Variants in WDFY1 observed in about 807,000 individuals in gnomAD.
WDFY1 encodes the protein WD repeat and FYVE domain containing 1.
A neutral mutation model predicts 56.4 loss-of-function variants in WDFY1; 32 were observed. That is an observed-to-expected ratio of 0.57 (90% CI 0.43 to 0.76). The LOEUF is 0.76. Among genes scored for constraint, WDFY1 ranks in the 30% least tolerant of loss-of-function variants. The probability of loss-of-function intolerance (pLI) is 0.00; values close to 1 mark genes in which losing one functional copy is unlikely to be tolerated. For synonymous variants in WDFY1, 192 were observed against 197.3 expected, an observed-to-expected ratio of 0.97 and a Z score of 0.23; for missense variants, 480 against 545.7, an observed-to-expected ratio of 0.88 and a Z score of 1.20.
intron 1 of WDFY1, among the ~76,000 whole-genome samples, chr2:223,937,267 G>A (rs570314795): frequency 4.6e-5 from 7 of 152,140 alleles, no homozygotes; most frequent in South Asian, 4.1e-4. Flanking sequence ...ACTTATTCAC[G>A]TGCACACACA....
intron 3 of WDFY1, among the ~76,000 whole-genome samples, chr2:223,909,461 G>A (rs1014009499): frequency 4.6e-5 from 7 of 151,992 alleles, no homozygotes; most frequent in Non-Finnish European, 1.0e-4. Flanking sequence ...TCATTCTTGT[G>A]GCTTGAAAAA....
intron 1 of WDFY1, among the ~76,000 whole-genome samples, chr2:223,920,891 T>G (rs969770104): frequency 6.6e-6 from 1 of 152,166 alleles, no homozygotes; most frequent in African/African-American, 2.4e-5. Flanking sequence ...AAGCATCACA[T>G]CGCTTTGTTT....
chr2:223,933,619 G>A (rs1694117960), intron 1 of WDFY1, among the ~76,000 whole-genome samples: 1 of 151,870 alleles, frequency 6.6e-6, no homozygotes, highest in South Asian at 2.1e-4. Flanking sequence ...CTAGGGGCTT[G>A]AGACCAGCCT....
chr2:223,926,625 GTA>G (rs1160466715), intron 1 of WDFY1, among the ~76,000 whole-genome samples: 2 of 150,704 alleles, frequency 1.3e-5, no homozygotes, highest in Non-Finnish European at 2.9e-5. Flanking sequence ...ATATGTGTGT[GTA>G]TTTCATATAT....
intron 8 of WDFY1, among the ~76,000 whole-genome samples, chr2:223,892,207 C>G (rs188845248): frequency 3.3e-5 from 5 of 152,188 alleles, no homozygotes; most frequent in Non-Finnish European, 7.4e-5. Flanking sequence ...AACTCCTGAC[C>G]TCAGGTGATC....
chr2:223,879,804 G>A lies in WDFY1; in HGVS notation c.1173+320C>T, dbSNP rs191241155. Reference sequence around the variant, plus strand: ...AGGATGAAAAGGAACATTGGCAAGCGTAGGAATGTCTTGAGATGGGTCAGG... The same window carrying A: ...AGGATGAAAAGGAACATTGGCAAGCATAGGAATGTCTTGAGATGGGTCAGG... On this transcript the variant is annotated intron_variant, in intron 11 of 11. Coordinates refer to ENST00000233055, the MANE Select transcript of WDFY1 (RefSeq NM_020830.5). Among the ~76,000 whole-genome samples, 220 of 152,308 alleles carry A rather than the reference G, an allele frequency of 1.4e-3. 2 individuals carry two copies. The highest frequency in any genetic ancestry group is 6.8e-3 in the Middle Eastern group (2 of 294).
chr2:223,921,766 C>T (rs1256523846), intron 1 of WDFY1, among the ~76,000 whole-genome samples: 1 of 152,052 alleles, frequency 6.6e-6, no homozygotes, highest in Non-Finnish European at 1.5e-5. Context: ...GTTGCTCATT[C>T]CTTTGGGTGT....
rs1402291015 is a variant in WDFY1 at position 223,912,237 on chromosome 2, T to C, written c.279+16A>G. 6.3e-7 allele frequency: 1 copy of C among 1,599,792 alleles called. No individual in the cohort carries two copies. Among genetic ancestry groups the C allele is most frequent in the East Asian group, 2.2e-5 (1 of 44,628 alleles). ...AATATAAAGAATACAATAAATACAT[T>C]CTAAAAGCTACCTACCATTACAGCT... On this transcript the variant is annotated intron_variant, in intron 3 of 11. Coordinates refer to ENST00000233055, the MANE Select transcript of WDFY1 (RefSeq NM_020830.5).
intron 2 of WDFY1, among the ~76,000 whole-genome samples, chr2:223,917,093 C>T (rs1267452126): frequency 6.6e-6 from 1 of 152,014 alleles, no homozygotes; most frequent in East Asian, 1.9e-4. Flanking sequence ...GGATTACGGG[C>T]ATGAGCCACC....
chr2:223,910,025 C>G lies in WDFY1; in HGVS notation c.279+2228G>C, dbSNP rs630143. ...CCCGGCCTCTGCCCAATTCTCCAAT[C>G]GCCCTAGGGTGCCCTCCCTATATAG... On this transcript the variant is annotated intron_variant, in intron 3 of 11. Coordinates refer to ENST00000233055, the MANE Select transcript of WDFY1 (RefSeq NM_020830.5). 3.9e-5 allele frequency among the ~76,000 whole-genome samples: 6 copies of G among 152,252 alleles called. No individual in the cohort carries two copies. The East Asian group carries it at 1.2e-3, about 29-fold the overall frequency.
At chr2:223,880,272 G>A (rs1031477155) in intron 10 of WDFY1, 40 bp from the exon 11 acceptor site, 3 of 1,584,774 alleles carry the variant, frequency 1.9e-6, no homozygotes, top group Admixed American at 3.3e-5. Flanking sequence ...TTACTTGACT[G>A]TACCTAGAGC....
intron 3 of WDFY1, among the ~76,000 whole-genome samples, chr2:223,909,592 T>TC (rs1269056395): frequency 2.0e-5 from 3 of 151,934 alleles, no homozygotes; most frequent in African/African-American, 7.3e-5. Flanking sequence ...GCTCTCACTG[T>TC]CCCCTCTCCC....
chr2:223,879,220 T>C (rs907053627), intron 11 of WDFY1, among the ~76,000 whole-genome samples: 1 of 152,198 alleles, frequency 6.6e-6, no homozygotes, highest in Non-Finnish European at 1.5e-5. Flanking sequence ...TAAAACAATG[T>C]AGTTCACTAA....
chr2:223,879,448 G>A (rs1693028148), intron 11 of WDFY1, among the ~76,000 whole-genome samples: 1 of 152,004 alleles, frequency 6.6e-6, no homozygotes, highest in Non-Finnish European at 1.5e-5. Flanking sequence ...TTGAGCCGAG[G>A]AGTTTGAGAC....
At chr2:223,894,958 A>G (rs1693338240) in intron 7 of WDFY1, among the ~76,000 whole-genome samples, 1 of 152,256 alleles carries the variant, frequency 6.6e-6, no homozygotes, top group Non-Finnish European at 1.5e-5. Context: ...AAAGAAAGCA[A>G]GGTGAAGATG....
At chr2:223,923,742 C>T (rs1693929355) in intron 1 of WDFY1, among the ~76,000 whole-genome samples, 1 of 151,656 alleles carries the variant, frequency 6.6e-6, no homozygotes, top group Non-Finnish European at 1.5e-5. Flanking sequence ...GCCTGGGCGA[C>T]AGAGCAAGAC....
At chr2:223,944,751 G>A (rs1175247944) in intron 1 of WDFY1, among the ~76,000 whole-genome samples, 4 of 148,882 alleles carry the variant, frequency 2.7e-5, no homozygotes, top group East Asian at 2.0e-4. Context: ...TTGGAACAGG[G>A]GTCCTGAGCA....
intron 5 of WDFY1, among the ~76,000 whole-genome samples, chr2:223,900,323 A>G (rs1396015378): frequency 3.9e-5 from 6 of 152,214 alleles, no homozygotes; most frequent in African/African-American, 9.6e-5. Context: ...ATATGATACT[A>G]TTTTAAATAT....
In WDFY1 at chr2:223,884,761, G is replaced by C; in HGVS notation, c.832-12C>G. On this transcript the variant is annotated splice_polypyrimidine_tract_variant and intron_variant, in intron 8 of 11. Transcript: ENST00000233055. The stretch of plus-strand genomic sequence containing the variant: ...AACCACTGAGGAGCCTGGGGGAGCA[G>C]AAAGTCAAAGCCACCATCAGTGTGT... The C allele has an allele frequency of 6.2e-7, 1 of 1,611,992 alleles. No individual in the cohort carries two copies. The highest frequency in any genetic ancestry group is 1.3e-5 in the African/African-American group (1 of 74,920).
Sources: gnomAD v4.1 joint callset for allele counts (sites outside exome capture counted in the v4.1 genomes callset) on GRCh38, gnomAD v4.1.1 for gene constraint, MANE v1.5 for transcripts, NCBI Gene and HGNC (gene_info 2026-07-23, HGNC 2026-07-21) for gene names.